ZFHX3: variants seen among roughly 807,000 people sequenced by gnomAD.
ZFHX3 encodes the protein zinc finger homeobox protein 3.
Under a neutral mutation model 279.1 loss-of-function variants are expected in ZFHX3, and 42 were observed. The observed-to-expected ratio is 0.15, with a 90% CI of 0.12 to 0.19. The LOEUF is 0.19. ZFHX3 is among the 10% of genes least tolerant of loss of function. The pLI, the probability that ZFHX3 is intolerant of heterozygous loss-of-function variation, is 1.00. For missense variants in ZFHX3, 4,981 were observed against 4,754.0 expected, an observed-to-expected ratio of 1.05 and a Z score of -1.40; for synonymous variants, 2,293 against 1,957.8, an observed-to-expected ratio of 1.17 and a Z score of -4.52.
chr16:73,112,414 T>TA (rs1361712650), intron 7 of ZFHX3, among the ~76,000 whole-genome samples: 2 of 151,948 alleles, frequency 1.3e-5, no homozygotes, highest in African/African-American at 4.8e-5. Context: ...AGGAAGGATT[T>TA]AAAAAAATTT....
chr16:73,687,255 G>T (rs914031583), intron 1 of ZFHX3, among the ~76,000 whole-genome samples: 7 of 150,516 alleles, frequency 4.7e-5, no homozygotes, highest in African/African-American at 1.7e-4. Context: ...AGCTGTGAAT[G>T]GTGGCACACA....
At chr16:72,821,647 G>A (rs1038661037) in intron 5 of ZFHX3, among the ~76,000 whole-genome samples, 4 of 152,252 alleles carry the variant, frequency 2.6e-5, no homozygotes, top group East Asian at 3.9e-4. Context: ...ATTTTGTAGC[G>A]CTGGTCACAG....
At chr16:73,398,487 T>A (rs1227052145) in intron 3 of ZFHX3, among the ~76,000 whole-genome samples, 2 of 152,224 alleles carry the variant, frequency 1.3e-5, no homozygotes, top group African/African-American at 4.8e-5. Flanking sequence ...TGGCTCATGA[T>A]AGCTGTTTGT....
At chr16:73,452,464 T>C (rs1220740682) in intron 3 of ZFHX3, among the ~76,000 whole-genome samples, 1 of 152,204 alleles carries the variant, frequency 6.6e-6, no homozygotes, top group Non-Finnish European at 1.5e-5. Context: ...AAAAATCTGA[T>C]GCAGGCAGGC....
intron 5 of ZFHX3, among the ~76,000 whole-genome samples, chr16:73,163,321 G>A (rs1967283683): frequency 6.6e-6 from 1 of 152,178 alleles, no homozygotes; most frequent in Non-Finnish European, 1.5e-5. Flanking sequence ...TAATCAGGTA[G>A]ACAAAATATA....
chr16:73,011,224 T>G (rs201717065), intron 1 of ZFHX3, among the ~76,000 whole-genome samples: 1 of 151,994 alleles, frequency 6.6e-6, no homozygotes, highest in East Asian at 1.9e-4. Context: ...CTCAGGTCGA[T>G]CCGCCTGCCT....
chr16:72,846,179 T>A (rs1189229602), intron 4 of ZFHX3, among the ~76,000 whole-genome samples: 1 of 152,148 alleles, frequency 6.6e-6, no homozygotes, highest in African/African-American at 2.4e-5. Flanking sequence ...ATATTCTAAG[T>A]CAGAGGCTGC....
At chr16:73,418,287 A>G (rs1426663390) in intron 3 of ZFHX3, among the ~76,000 whole-genome samples, 1 of 152,244 alleles carries the variant, frequency 6.6e-6, no homozygotes, top group Non-Finnish European at 1.5e-5. Flanking sequence ...CAGCTGGTAG[A>G]CGGTGGTACC....
intron 2 of ZFHX3, among the ~76,000 whole-genome samples, chr16:73,619,861 G>T (rs1032778740): frequency 6.6e-6 from 1 of 152,114 alleles, no homozygotes; most frequent in Non-Finnish European, 1.5e-5. Flanking sequence ...TTTCTCATGT[G>T]AGTCTCCATA....
At chr16:73,788,837 G>T (rs1959738774) in intron 1 of ZFHX3, among the ~76,000 whole-genome samples, 1 of 151,546 alleles carries the variant, frequency 6.6e-6, no homozygotes, top group Non-Finnish European at 1.5e-5. Flanking sequence ...AGCTGGGTGT[G>T]CCGGCACGTG....
chr16:72,862,956 T>G (rs972878701), intron 4 of ZFHX3, among the ~76,000 whole-genome samples: 1 of 152,058 alleles, frequency 6.6e-6, no homozygotes, highest in Non-Finnish European at 1.5e-5. Context: ...AAAAAACACA[T>G]GTATTAGGCT....
intron 3 of ZFHX3, among the ~76,000 whole-genome samples, chr16:73,448,412 T>C (rs552416987): frequency 6.6e-4 from 101 of 152,128 alleles, no homozygotes; most frequent in African/African-American, 2.4e-3. Context: ...CTTTGGAGCT[T>C]AGGGAAAAAA....
intron 1 of ZFHX3, among the ~76,000 whole-genome samples, chr16:73,708,079 T>G (rs374026103): frequency 8.4e-4 from 121 of 144,034 alleles, no homozygotes; most frequent in Non-Finnish European, 1.2e-3. Context: ...TTGGGTGTGG[T>G]GGGGGGGGGA....
upstream of ZFHX3, among the ~76,000 whole-genome samples, chr16:73,059,938 A>G (rs1409919472): frequency 4.6e-5 from 7 of 152,186 alleles, no homozygotes; most frequent in East Asian, 1.3e-3. Flanking sequence ...GAAAGGGGAT[A>G]ACTTCAGGAA....
chr16:72,800,041 G>C lies in ZFHX3; in HGVS notation c.3953C>G (p.Ala1318Gly). The C allele has an allele frequency of 6.2e-7, 1 of 1,614,080 alleles. No homozygotes were observed. ...DRDGNSNLEE[A>G]GKQPETSEDL... ...ATGATACTGACCAGGCTGCTTTCCT[G>C]CCTCTTCCAAATTGGAATTCCCATC... The change falls in exon 8 of 10, where the codon GCA becomes GGA. Residue 1318 changes from alanine to glycine, a missense_variant. Coordinates refer to ENST00000268489, the MANE Select transcript of ZFHX3 (RefSeq NM_006885.4).
chr16:73,247,185 G>C (rs1385349869), intron 5 of ZFHX3, among the ~76,000 whole-genome samples: 2 of 151,868 alleles, frequency 1.3e-5, no homozygotes, highest in African/African-American at 2.4e-5. Flanking sequence ...ACCTGTATGT[G>C]GAATACATGT....
At chr16:73,690,255 AC>A (rs2053135674) in intron 1 of ZFHX3, among the ~76,000 whole-genome samples, 2 of 152,118 alleles carry the variant, frequency 1.3e-5, no homozygotes, top group Admixed American at 1.3e-4. Context: ...AGAATCCCAA[AC>A]TAGATTTGCA....
chr16:73,540,626 T>C (rs2019994267), intron 2 of ZFHX3, among the ~76,000 whole-genome samples: 1 of 152,244 alleles, frequency 6.6e-6, no homozygotes, highest in African/African-American at 2.4e-5. Context: ...ACAGTTTCCT[T>C]TGACTTTTTC....
At chr16:73,863,400 G>A (rs974655169) in intron 1 of ZFHX3, among the ~76,000 whole-genome samples, 3 of 152,022 alleles carry the variant, frequency 2.0e-5, no homozygotes, top group South Asian at 2.1e-4. Flanking sequence ...ACAGCAGGAC[G>A]CCAAAAGGAA....
Sources: allele counts gnomAD v4.1 joint callset (sites outside exome capture counted in the v4.1 genomes callset), GRCh38; gene constraint gnomAD v4.1.1; transcripts MANE v1.5; gene names NCBI Gene and HGNC (gene_info 2026-07-23, HGNC 2026-07-21).